ADGRB3: variants seen among roughly 807,000 people sequenced by gnomAD.
ADGRB3 encodes brain-specific angiogenesis inhibitor 3.
A neutral mutation model predicts 193.4 loss-of-function variants in ADGRB3; 37 were observed. The ratio of observed to expected loss-of-function variants is 0.19; its 90% CI spans 0.15 to 0.25. The LOEUF is 0.25. ADGRB3 is among the 10% of genes least tolerant of loss of function. The pLI, the probability that ADGRB3 is intolerant of heterozygous loss-of-function variation, is 1.00. For missense variants in ADGRB3, 1,637 were observed against 1,852.9 expected (o/e 0.88, Z 2.14); for synonymous variants, 690 against 644.2 (o/e 1.07, Z -1.08).
chr6:69,047,415 A>C (rs908455187), intron 13 of ADGRB3, among the ~76,000 whole-genome samples: 2 of 150,328 alleles, frequency 1.3e-5, no homozygotes, highest in Non-Finnish European at 3.0e-5. Context: ...TAAATATAAT[A>C]AAATATATTA....
At chr6:68,792,508 G>T (rs533841770) in intron 3 of ADGRB3, among the ~76,000 whole-genome samples, 3 of 152,084 alleles carry the variant, frequency 2.0e-5, no homozygotes, top group African/African-American at 7.2e-5. Context: ...AGTGCTTGTG[G>T]CCCTATGACT....
intron 3 of ADGRB3, among the ~76,000 whole-genome samples, chr6:68,745,432 T>C (rs952700655): frequency 2.0e-5 from 3 of 152,108 alleles, no homozygotes; most frequent in African/African-American, 7.2e-5. Flanking sequence ...TACCAGGGAA[T>C]GGGGAAATAG....
intron 13 of ADGRB3, among the ~76,000 whole-genome samples, chr6:69,031,792 G>A (rs1208124575): frequency 2.6e-5 from 4 of 151,488 alleles, no homozygotes; most frequent in African/African-American, 9.7e-5. Flanking sequence ...GCGCCACCAC[G>A]CCAGGCTAAT....
chr6:68,834,973 A>G (rs1768019331), intron 3 of ADGRB3, among the ~76,000 whole-genome samples: 1 of 152,168 alleles, frequency 6.6e-6, no homozygotes, highest in Non-Finnish European at 1.5e-5. Flanking sequence ...TGTGAGTTAA[A>G]AAAAATCCAA....
At chr6:69,358,783 G>C (rs572199625) in intron 28 of ADGRB3, among the ~76,000 whole-genome samples, 1 of 151,898 alleles carries the variant, frequency 6.6e-6, no homozygotes, top group Admixed American at 6.6e-5. Flanking sequence ...ATGTTTTCGT[G>C]TGTAGGTGGT....
At chr6:69,161,177 G>A (rs1774975534) in intron 17 of ADGRB3, among the ~76,000 whole-genome samples, 1 of 151,888 alleles carries the variant, frequency 6.6e-6, no homozygotes. Context: ...TGCACAATTA[G>A]TATCTATCAT....
In ADGRB3 at chr6:68,639,382, C is replaced by T; in HGVS notation, c.707C>T (p.Thr236Ile). 1.2e-6 allele frequency: 2 copies of T among 1,613,528 alleles called. No homozygotes were observed. The highest frequency in any genetic ancestry group is 1.3e-5 in the African/African-American group (1 of 75,012). Residue 236 changes from threonine to isoleucine, a missense_variant, in exon 3 of 32, where the codon ACC (threonine) becomes ATC (isoleucine). Physicochemically the swap from Thr to Ile is moderately conservative, Grantham distance 89. Coordinates refer to ENST00000370598, the MANE Select transcript of ADGRB3 (RefSeq NM_001704.3). Reference sequence around the variant, plus strand: ...GGCTGCCTGACCCAGGAGCTGCAAACCACCCAAGTCTGCAATCTTACCAGG... The same window carrying T: ...GGCTGCCTGACCCAGGAGCTGCAAATCACCCAAGTCTGCAATCTTACCAGG... ...TEGCLTQELQ[T>I]TQVCNLTREA...
intron 3 of ADGRB3, among the ~76,000 whole-genome samples, chr6:68,690,292 A>C (rs1273735115): frequency 6.6e-6 from 1 of 152,120 alleles, no homozygotes; most frequent in Non-Finnish European, 1.5e-5. Context: ...TTTTTCCCTA[A>C]AAAGACTTGG....
intron 17 of ADGRB3, among the ~76,000 whole-genome samples, chr6:69,147,434 C>T (rs530087727): frequency 6.6e-6 from 1 of 152,144 alleles, no homozygotes; most frequent in South Asian, 2.1e-4. Flanking sequence ...ATTGCATTTC[C>T]ATGTTTTTGT....
At chr6:69,023,347 C>G (rs1414737595) in intron 13 of ADGRB3, among the ~76,000 whole-genome samples, 3 of 152,018 alleles carry the variant, frequency 2.0e-5, no homozygotes, top group African/African-American at 4.8e-5. Context: ...AGATGTTGTT[C>G]TGTATAAGGA....
intron 3 of ADGRB3, among the ~76,000 whole-genome samples, chr6:68,855,868 T>C (rs1481433812): frequency 6.6e-6 from 1 of 152,102 alleles, no homozygotes; most frequent in Non-Finnish European, 1.5e-5. Context: ...AAAAATTTTC[T>C]TTAAAAATTA....
chr6:68,797,173 C>T (rs1767225587), intron 3 of ADGRB3, among the ~76,000 whole-genome samples: 3 of 152,054 alleles, frequency 2.0e-5, no homozygotes, highest in Admixed American at 6.6e-5. Flanking sequence ...AAGTACCTTG[C>T]GTGGGTCAAT....
chr6:69,191,383 A>G (rs1582532644), intron 17 of ADGRB3, among the ~76,000 whole-genome samples: 1 of 152,302 alleles, frequency 6.6e-6, no homozygotes, highest in Non-Finnish European at 1.5e-5. Context: ...ATTTTGGCAA[A>G]CACACCAATA....
intron 8 of ADGRB3, among the ~76,000 whole-genome samples, chr6:68,963,258 A>G (rs1768284218): frequency 6.6e-6 from 1 of 152,170 alleles, no homozygotes; most frequent in Non-Finnish European, 1.5e-5. Context: ...TGTGCTGCAG[A>G]AGATTATTTC....
chr6:69,032,884 AGTT>A lies in ADGRB3; in HGVS notation c.2107+14388_2107+14390del, dbSNP rs1406304674. ...CTTCTGGAAGTTATCTCTCCTGTAT[AGTT>A]GTCAAGATTAAAGGTAACATATATT... On this transcript the variant is annotated intron_variant, in intron 13 of 31. Transcript: ENST00000370598. Among the ~76,000 whole-genome samples the A allele has an allele frequency of 2.0e-5, 3 of 152,114 alleles. 1 individual carries two copies. Among genetic ancestry groups the A allele is most frequent in the Non-Finnish European group, 4.4e-5 (3 of 68,028 alleles).
chr6:68,722,210 CTA>C (rs1363576080), intron 3 of ADGRB3, among the ~76,000 whole-genome samples: 11 of 151,632 alleles, frequency 7.3e-5, no homozygotes, highest in African/African-American at 2.7e-4. Context: ...TTTTCTGTTC[CTA>C]TGTTAGTTTG....
At chr6:68,726,729 C>T (rs1765681078) in intron 3 of ADGRB3, among the ~76,000 whole-genome samples, 1 of 151,654 alleles carries the variant, frequency 6.6e-6, no homozygotes, top group South Asian at 2.1e-4. Flanking sequence ...TCTGGCCCTA[C>T]ATGTCTTTTT....
chr6:68,840,688 A>AAAACAAAC (rs139446106), intron 3 of ADGRB3, among the ~76,000 whole-genome samples: 26,795 of 151,346 alleles, frequency 0.18, 3,019 homozygotes, highest in East Asian at 0.57. Context: ...GAGGATCACA[A>AAAACAAAC]AAACAAACAA....
Position 68,638,942 on chromosome 6 carries a change from G to A in ADGRB3, c.267G>A (p.Gln89=), listed in dbSNP as rs1024078581. ...SCSNFSLLAY[Q]FDHFSHEKIK... ...CTAACTTTTCACTCCTGGCTTATCA[G>A]TTTGATCATTTTTCCCATGAAAAAA... The change falls in exon 3 of 32, where the codon CAG becomes CAA. Residue 89 remains glutamine (Q), a synonymous_variant. Coordinates refer to ENST00000370598, the MANE Select transcript of ADGRB3 (RefSeq NM_001704.3). The A allele has an allele frequency of 2.5e-6, 4 of 1,613,914 alleles. No individual in the cohort carries two copies. The African/African-American group carries it at 5.3e-5, about 22-fold the overall frequency.
Sources: gnomAD v4.1 joint callset for allele counts (sites outside exome capture counted in the v4.1 genomes callset) on GRCh38, gnomAD v4.1.1 for gene constraint, MANE v1.5 for transcripts, NCBI Gene and HGNC (gene_info 2026-07-23, HGNC 2026-07-21) for gene names.